COL19A1: variants seen among roughly 807,000 people sequenced by gnomAD.
The protein encoded by COL19A1 is collagen type XIX alpha 1 chain.
In COL19A1, 159 loss-of-function variants were observed where a neutral mutation model predicts 190.2. That is an observed-to-expected ratio of 0.84 (90% CI 0.73 to 0.95). COL19A1 has a LOEUF of 0.95. COL19A1 is among the 40% of genes least tolerant of loss of function. The pLI is 0.00. For synonymous variants in COL19A1, 509 were observed against 458.9 expected (o/e 1.11, Z -1.39); for missense variants, 1,418 against 1,431.9 (o/e 0.99, Z 0.16).
intron 19 of COL19A1, 109 bp downstream of exon 19, chr6:70,137,856 G>C (rs1785968570): frequency 3.1e-6 from 3 of 974,578 alleles, no homozygotes; most frequent in East Asian, 4.9e-5. Context: ...CCTGTCATGG[G>C]AAACAACAGA....
rs796984679 is a variant in COL19A1, at chr6:70,208,082, T to C, written c.*808T>C. 1.6e-4 allele frequency: 25 copies of C among 152,320 alleles called. No homozygotes were observed. Among genetic ancestry groups the C allele is most frequent in the African/African-American group, 5.8e-4 (24 of 41,574 alleles). The allele number at this position is 152,320 out of a possible 1,614,324, so 9.4% of individuals were successfully genotyped here. A position where few individuals can be genotyped will look rare whatever the true frequency, so the allele number is the denominator to read the frequency against. On this transcript the variant is annotated 3_prime_UTR_variant, in exon 51 of 51. Transcript: ENST00000620364. ...GTGGTCCCCTCACTCAGTCTCTCAT[T>C]TGGTAAACAGAAAGCTGTTTTCCCT...
At chr6:70,074,820 G>A (rs910601363) in intron 15 of COL19A1, among the ~76,000 whole-genome samples, 1 of 152,016 alleles carries the variant, frequency 6.6e-6, no homozygotes, top group Non-Finnish European at 1.5e-5. Context: ...TAAAATGCAC[G>A]ATGAGTGTTT....
intron 1 of COL19A1, among the ~76,000 whole-genome samples, chr6:69,871,033 G>A (rs1403921226): frequency 1.3e-5 from 2 of 151,914 alleles, no homozygotes; most frequent in Non-Finnish European, 2.9e-5. Context: ...AGAATATAAT[G>A]AGGGCAGAAA....
At chr6:69,923,168 A>C (rs901245521) in intron 4 of COL19A1, among the ~76,000 whole-genome samples, 1 of 152,200 alleles carries the variant, frequency 6.6e-6, no homozygotes, top group Non-Finnish European at 1.5e-5. Context: ...TGTCAAAATC[A>C]ATATATTCAG....
intron 16 of COL19A1, among the ~76,000 whole-genome samples, chr6:70,105,389 C>T (rs1410328949): frequency 6.6e-6 from 1 of 152,068 alleles, no homozygotes; most frequent in Non-Finnish European, 1.5e-5. Flanking sequence ...ATCTCTTGAC[C>T]TCGTGATCCA....
Position 70,102,237 on chromosome 6 carries a change from C to T in COL19A1, c.1278+15C>T. ...CAGGACCACCTGTGAGTAAACAATACAATGACTGTCCCTTTAAAGAGTCTG... is the reference window on the plus strand; with the variant it reads ...CAGGACCACCTGTGAGTAAACAATATAATGACTGTCCCTTTAAAGAGTCTG... On this transcript the variant is annotated intron_variant, in intron 16 of 50. Coordinates refer to ENST00000620364, the MANE Select transcript of COL19A1 (RefSeq NM_001858.6). The T allele has an allele frequency of 6.3e-7, 1 of 1,574,934 alleles. No homozygotes were observed. The highest frequency in any genetic ancestry group is 8.7e-7 in the Non-Finnish European group (1 of 1,144,354).
intron 11 of COL19A1, among the ~76,000 whole-genome samples, chr6:69,969,214 G>C (rs1775285068): frequency 6.6e-6 from 1 of 152,088 alleles, no homozygotes; most frequent in Admixed American, 6.6e-5. Flanking sequence ...TTATTTGACA[G>C]AATTATTATA....
chr6:70,109,502 A>T (rs1243329275), intron 16 of COL19A1, among the ~76,000 whole-genome samples: 2 of 151,802 alleles, frequency 1.3e-5, no homozygotes, highest in Admixed American at 6.6e-5. Context: ...GGAGAGATAC[A>T]CGTAGCCATG....
chr6:70,157,570 A>G (rs1286516020), intron 34 of COL19A1, among the ~76,000 whole-genome samples: 1 of 152,138 alleles, frequency 6.6e-6, no homozygotes, highest in African/African-American at 2.4e-5. Flanking sequence ...ACCAGTAATC[A>G]TCATGTACTA....
At chr6:69,922,006 A>ATC (rs1413080286) in intron 4 of COL19A1, among the ~76,000 whole-genome samples, 1 of 152,128 alleles carries the variant, frequency 6.6e-6, no homozygotes, top group Non-Finnish European at 1.5e-5. Context: ...CTGTCATTAT[A>ATC]TCTCTCTGGT....
rs1768184054 is a variant in COL19A1, at chr6:70,211,219, A to G, written c.*3945A>G. Among the ~76,000 whole-genome samples, 1 of 152,096 alleles carries G rather than the reference A, an allele frequency of 6.6e-6. No individual in the cohort carries two copies. Among genetic ancestry groups the G allele is most frequent in the African/African-American group, 2.4e-5 (1 of 41,428 alleles). On this transcript the variant is annotated 3_prime_UTR_variant, in exon 51 of 51. Transcript: ENST00000620364. Reference sequence around the variant, plus strand: ...ACTATTTACAAAAGTACAATTAGAAACACTGTTTTTTTTAAGTACCGTTTT... The same window carrying G: ...ACTATTTACAAAAGTACAATTAGAAGCACTGTTTTTTTTAAGTACCGTTTT...
At chr6:70,131,479 A>C (rs1785516217) in intron 18 of COL19A1, among the ~76,000 whole-genome samples, 1 of 152,232 alleles carries the variant, frequency 6.6e-6, no homozygotes. Flanking sequence ...AAATAAATAA[A>C]GGCTTGACAT....
chr6:70,070,262 G>A (rs1781467726), intron 15 of COL19A1, among the ~76,000 whole-genome samples: 1 of 151,972 alleles, frequency 6.6e-6, no homozygotes, highest in Non-Finnish European at 1.5e-5. Context: ...GTAGATTAAA[G>A]AATAAATTAA....
At chr6:70,060,092 T>C (rs926142465) in intron 14 of COL19A1, among the ~76,000 whole-genome samples, 4 of 152,162 alleles carry the variant, frequency 2.6e-5, no homozygotes, top group Admixed American at 1.3e-4. Flanking sequence ...AATGATTAAT[T>C]TGTAAATGAA....
chr6:70,131,979 T>A (rs77303001), intron 18 of COL19A1, among the ~76,000 whole-genome samples: 1,762 of 152,252 alleles, frequency 0.012, 8 homozygotes, highest in Non-Finnish European at 0.019. Context: ...AACTGTTCCC[T>A]CCTCTCACTC....
chr6:69,903,491 G>C (rs1770319094), intron 4 of COL19A1, among the ~76,000 whole-genome samples: 1 of 152,296 alleles, frequency 6.6e-6, no homozygotes, highest in Admixed American at 6.5e-5. Flanking sequence ...CTACCACACT[G>C]TTGGGTACAC....
chr6:69,952,681 T>C (rs768315771), intron 9 of COL19A1, among the ~76,000 whole-genome samples: 3 of 152,004 alleles, frequency 2.0e-5, no homozygotes, highest in Non-Finnish European at 4.4e-5. Context: ...CCCTCAGCAC[T>C]GCAGTGAGAT....
chr6:70,088,000 G>A (rs1443039099), intron 15 of COL19A1, among the ~76,000 whole-genome samples: 1 of 152,078 alleles, frequency 6.6e-6, no homozygotes, highest in Non-Finnish European at 1.5e-5. Flanking sequence ...TTGATCACTG[G>A]CTCTACATCT....
In COL19A1 at chr6:70,055,781, TAAA is replaced by T. The variant is rs55871207; in HGVS notation, c.1171-12620_1171-12618del. Among the ~76,000 whole-genome samples, 290 of 117,428 alleles carry T rather than the reference TAAA, an allele frequency of 2.5e-3. 2 individuals carry two copies. Among genetic ancestry groups the T allele is most frequent in the Non-Finnish European group, 2.3e-3 (135 of 59,250 alleles). The allele number at this position is 117,428 out of a possible 152,430, so 77.0% of individuals were successfully genotyped here. ...TGGGAGACAGAGCAAAACTCTGTAT[TAAA>T]AAAAAAAAAAAAAAAAAAAAATTCA... On this transcript the variant is annotated intron_variant, in intron 14 of 50. Transcript: ENST00000620364.
Sources: allele counts gnomAD v4.1 joint callset (sites outside exome capture counted in the v4.1 genomes callset), GRCh38; gene constraint gnomAD v4.1.1; transcripts MANE v1.5; gene names NCBI Gene and HGNC (gene_info 2026-07-23, HGNC 2026-07-21).